PPP3CA: variants seen among roughly 807,000 people sequenced by gnomAD.
The protein encoded by PPP3CA is CAM-PRP catalytic subunit.
In PPP3CA, 14 loss-of-function variants were observed where a neutral mutation model predicts 66.5. The observed-to-expected ratio is 0.21, with a 90% CI of 0.14 to 0.33. The LOEUF (loss-of-function observed/expected upper bound fraction) is 0.33. Among genes scored for constraint, PPP3CA ranks in the 10% least tolerant of loss-of-function variants. PPP3CA has a pLI of 1.00. For missense variants in PPP3CA, 317 were observed against 639.5 expected (o/e 0.50, Z 5.44); for synonymous variants, 232 against 226.2 (o/e 1.03, Z -0.23).
At chr4:101,315,810 G>A (rs1014329209) in intron 1 of PPP3CA, among the ~76,000 whole-genome samples, 29 of 152,178 alleles carry the variant, frequency 1.9e-4, no homozygotes, top group African/African-American at 3.9e-4. Flanking sequence ...TCATGGGTTC[G>A]TAGTTTTGGT....
At chr4:101,123,569 G>T (rs1408154205) in intron 2 of PPP3CA, among the ~76,000 whole-genome samples, 2 of 152,116 alleles carry the variant, frequency 1.3e-5, no homozygotes, top group African/African-American at 4.8e-5. Context: ...AGTGGCTCAC[G>T]CCTATAATCC....
intron 1 of PPP3CA, among the ~76,000 whole-genome samples, chr4:101,256,037 T>C (rs1336699077): frequency 6.6e-6 from 1 of 151,992 alleles, no homozygotes; most frequent in African/African-American, 2.4e-5. Context: ...GGATTACCAG[T>C]ATCCCTAACA....
intron 1 of PPP3CA, among the ~76,000 whole-genome samples, chr4:101,211,186 C>T (rs982494289): frequency 1.3e-5 from 2 of 151,494 alleles, no homozygotes; most frequent in African/African-American, 4.9e-5. Flanking sequence ...TCACATCAGG[C>T]CCCTGCTTTG....
At chr4:101,193,190 T>A (rs1724665574) in intron 2 of PPP3CA, among the ~76,000 whole-genome samples, 1 of 152,218 alleles carries the variant, frequency 6.6e-6, no homozygotes, top group African/African-American at 2.4e-5. Context: ...GACCAGGTCT[T>A]ATTCACATGT....
intron 8 of PPP3CA, among the ~76,000 whole-genome samples, chr4:101,066,556 AC>A (rs1728688906): frequency 6.6e-6 from 1 of 152,166 alleles, no homozygotes; most frequent in Non-Finnish European, 1.5e-5. Flanking sequence ...AAATGAAACT[AC>A]AACAATATGT....
At position 101,262,072 on chromosome 4, in the gene PPP3CA, G is replaced by A. The variant is rs575975337; in HGVS notation, c.59-65956C>T. Among the ~76,000 whole-genome samples the A allele has an allele frequency of 7.2e-5, 11 of 151,890 alleles. 1 individual carries two copies. The East Asian group carries it at 1.7e-3, about 24-fold the overall frequency. ...ATTCAATGAATTAAAAACTGACCAG[G>A]AACTAAGGTAAATACAAAGACCGAT... is the stretch of plus-strand genomic sequence containing the variant. On this transcript the variant is annotated intron_variant, in intron 1 of 13. Transcript: ENST00000394854.
At chr4:101,299,106 G>A (rs1364069175) in intron 1 of PPP3CA, among the ~76,000 whole-genome samples, 1 of 85,552 alleles carries the variant, frequency 1.2e-5, no homozygotes, top group Non-Finnish European at 2.2e-5. Context: ...GCCATATATC[G>A]TTTTTTTTTT....
intron 1 of PPP3CA, among the ~76,000 whole-genome samples, chr4:101,251,419 C>T (rs891512339): frequency 2.0e-5 from 3 of 151,952 alleles, no homozygotes; most frequent in East Asian, 1.9e-4. Flanking sequence ...ATGACTGACA[C>T]GCAGTATTCT....
chr4:101,147,494 T>C (rs550733111), intron 2 of PPP3CA, among the ~76,000 whole-genome samples: 1 of 152,282 alleles, frequency 6.6e-6, no homozygotes, highest in South Asian at 2.1e-4. Flanking sequence ...AGAGTTCCTA[T>C]TACAGTGAAG....
intron 1 of PPP3CA, among the ~76,000 whole-genome samples, chr4:101,329,897 T>C (rs540838692): frequency 6.6e-6 from 1 of 152,264 alleles, no homozygotes; most frequent in East Asian, 1.9e-4. Context: ...ATTACTGCTC[T>C]TTGCAATGCA....
At position 101,346,874 on chromosome 4, in the gene PPP3CA, TCAACGCCGCCGC is replaced by T; in HGVS notation, c.-90_-79del. ...CCGACCGGACCGGCGGGCCAGACAC[TCAACGCCGCCGC>T]CGCCGCCGCCGCCGCCGCGCTGCAA... On this transcript the variant is annotated 5_prime_UTR_variant, in exon 1 of 14. Transcript: ENST00000394854. 3.0e-6 allele frequency: 4 copies of T among 1,355,168 alleles called. No individual in the cohort carries two copies. The highest frequency in any genetic ancestry group is 2.0e-6 in the Non-Finnish European group (2 of 1,005,860). The allele number at this position is 1,355,168 out of a possible 1,614,324, so 83.9% of individuals were successfully genotyped here.
intron 11 of PPP3CA, among the ~76,000 whole-genome samples, chr4:101,033,283 C>CACACACAA (rs1423936230): frequency 1.5e-4 from 13 of 89,632 alleles, no homozygotes; most frequent in African/African-American, 6.1e-4. Context: ...GAGACACACA[C>CACACACAA]ACACACACAA....
chr4:101,333,280 T>G (rs1016166506), intron 1 of PPP3CA, among the ~76,000 whole-genome samples: 1 of 86,920 alleles, frequency 1.2e-5, no homozygotes, highest in African/African-American at 7.8e-5. Context: ...GTTTTTTTTT[T>G]TTTTTTTTTT....
chr4:101,032,350 C>G lies in PPP3CA; in HGVS notation c.1256G>C (p.Ser419Thr). 1 of 1,613,142 alleles carries G rather than the reference C, an allele frequency of 6.2e-7. No individual in the cohort carries two copies. The highest frequency in any genetic ancestry group is 8.5e-7 in the Non-Finnish European group (1 of 1,179,560). Residue 419 changes from serine to threonine, a missense_variant, in exon 12 of 14, where the codon AGT becomes ACT. Physicochemically the swap from Ser to Thr is moderately conservative, Grantham distance 58. Coordinates refer to ENST00000394854, the MANE Select transcript of PPP3CA (RefSeq NM_000944.5). ...GGTCAAGCCTTTCAGCGTCAGCACA[C>G]TCTCACTCTCTTCTCTGGAAGGCAC... is the stretch of plus-strand genomic sequence containing the variant. ...VFSVLREESE[S>T]VLTLKGLTPT...
At chr4:101,235,107 C>T (rs546611599) in intron 1 of PPP3CA, among the ~76,000 whole-genome samples, 1 of 151,790 alleles carries the variant, frequency 6.6e-6, no homozygotes, top group South Asian at 2.1e-4. Flanking sequence ...ATTTGAGAGA[C>T]TACTTCAAAA....
At chr4:101,138,606 G>A (rs924115864) in intron 2 of PPP3CA, among the ~76,000 whole-genome samples, 1 of 152,046 alleles carries the variant, frequency 6.6e-6, no homozygotes, top group African/African-American at 2.4e-5. Flanking sequence ...GCATTTCCTT[G>A]GAGTGTCATG....
chr4:101,341,185 G>C (rs1192600311), intron 1 of PPP3CA, among the ~76,000 whole-genome samples: 1 of 142,376 alleles, frequency 7.0e-6, no homozygotes, highest in East Asian at 2.1e-4. Flanking sequence ...CAAAAGAAGT[G>C]GCCATTTTCT....
chr4:101,124,731 G>GAAAGAAAGAAAGAA (rs1560614498), intron 2 of PPP3CA, among the ~76,000 whole-genome samples: 4 of 60,538 alleles, frequency 6.6e-5, no homozygotes, highest in African/African-American at 2.8e-4. Flanking sequence ...GAAAGAGAAA[G>GAAAGAAAGAAAGAA]AAAGAAAGAA....
At chr4:101,300,155 C>A (rs899126979) in intron 1 of PPP3CA, among the ~76,000 whole-genome samples, 2 of 152,134 alleles carry the variant, frequency 1.3e-5, no homozygotes, top group African/African-American at 4.8e-5. Context: ...TAGGGTCATA[C>A]CACAAATCAG....
Sources: gnomAD v4.1 joint callset for allele counts (sites outside exome capture counted in the v4.1 genomes callset) on GRCh38, gnomAD v4.1.1 for gene constraint, MANE v1.5 for transcripts, NCBI Gene and HGNC (gene_info 2026-07-23, HGNC 2026-07-21) for gene names.